Variants in LARGE2 observed in about 807,000 individuals in gnomAD.
LARGE2 encodes xylosyl- and glucuronyltransferase LARGE2.
LARGE2 carries 63 observed loss-of-function variants against 75.3 expected under a neutral mutation model. That is an observed-to-expected ratio of 0.84 (90% CI 0.68 to 1.03). LARGE2 has a LOEUF of 1.03. LARGE2 is among the 50% of genes least tolerant of loss of function. The pLI is 0.00. For missense variants in LARGE2, 925 were observed against 980.6 expected (o/e 0.94, Z 0.76); for synonymous variants, 428 against 420.1 (o/e 1.02, Z -0.23).
chr11:45,923,822 T>C (rs1433585072), intron 3 of LARGE2, among the ~76,000 whole-genome samples: 1 of 150,610 alleles, frequency 6.6e-6, no homozygotes, highest in African/African-American at 2.5e-5. Context: ...CCGTCTCTAC[T>C]AAAAATACAA....
upstream of LARGE2, among the ~76,000 whole-genome samples, chr11:45,922,446 G>A (rs1480767070): frequency 6.6e-6 from 1 of 152,008 alleles, no homozygotes; most frequent in African/African-American, 2.4e-5. Context: ...GGGCCTTCGC[G>A]GGTGGCTGCT....
intron 4 of LARGE2, 96 bp from the exon 5 acceptor site, chr11:45,924,407 TGGG>T: frequency 6.4e-7 from 1 of 1,562,742 alleles, no homozygotes; most frequent in Non-Finnish European, 8.6e-7. Flanking sequence ...CCCTCTCTTT[TGGG>T]GGTTTACCCC....
chr11:45,924,921 GT>G, intron 6 of LARGE2, 32 bp downstream of exon 6: 2 of 1,368,088 alleles, frequency 1.5e-6, no homozygotes, highest in Non-Finnish European at 1.9e-6. Context: ...GGCAGGCGGG[GT>G]GGTCTGCTGG....
chr11:45,927,798 C>G (rs755566112), intron 11 of LARGE2, 122 bp from the exon 12 acceptor site: 3 of 1,504,742 alleles, frequency 2.0e-6, no homozygotes, highest in East Asian at 4.6e-5. Flanking sequence ...TTGTGCCCAC[C>G]CGTCGCATCA....
At chr11:45,923,676 C>G in intron 3 of LARGE2, 121 bp downstream of exon 3, 2 of 861,538 alleles carry the variant, frequency 2.3e-6, no homozygotes, top group Non-Finnish European at 3.7e-6. Context: ...TCCCCTTCCT[C>G]CCTTAGAAGG....
Position 45,928,162 on chromosome 11 carries a change from G to T in LARGE2, c.1755-15G>T. 1 of 1,613,094 alleles carries T rather than the reference G, an allele frequency of 6.2e-7. No homozygotes were observed. Among genetic ancestry groups the T allele is most frequent in the Non-Finnish European group, 8.5e-7 (1 of 1,179,902 alleles). ...CCTAGCCTCAGCCTGGCTCCCACCCGACCCTGCTGCACAGGTACCACGAGT... is the reference window on the plus strand; with the variant it reads ...CCTAGCCTCAGCCTGGCTCCCACCCTACCCTGCTGCACAGGTACCACGAGT... On this transcript the variant is annotated splice_polypyrimidine_tract_variant and intron_variant, in intron 12 of 13. Coordinates refer to ENST00000401752, the MANE Select transcript of LARGE2 (RefSeq NM_001300721.2).
Position 45,926,871 on chromosome 11 carries a change from G to C in LARGE2, c.1325G>C (p.Arg442Pro). The C allele has an allele frequency of 1.2e-6, 2 of 1,608,818 alleles. No individual in the cohort carries two copies. Among genetic ancestry groups the C allele is most frequent in the Non-Finnish European group, 1.7e-6 (2 of 1,178,432 alleles). Residue 442 changes from arginine to proline, a missense_variant and splice_region_variant, in exon 10 of 14, where the codon CGG (arginine) becomes CCG (proline). Around this residue, in one of 3 missense-constraint regions of LARGE2, gnomAD observed 469 missense variants for 503.8 expected, o/e 0.93. Coordinates refer to ENST00000401752, the MANE Select transcript of LARGE2 (RefSeq NM_001300721.2). ...VTLVAQLSMDRLQMLEALCRH... is the reference protein window; with the variant it reads ...VTLVAQLSMDPLQMLEALCRH... ...CTTGTGGCCCAGCTGTCCATGGACC[G>C]GTGAGGGTGCAGAGGGCAGCCCAGG...
Position 45,923,004 on chromosome 11 carries a change from G to A in LARGE2, c.122G>A (p.Arg41Gln), listed in dbSNP as rs1343393114. Residue 41 changes from arginine to glutamine, a missense_variant, in exon 2 of 14, where the codon CGA becomes CAA. Physicochemically the swap from Arg to Gln is conservative, Grantham distance 43 (BLOSUM62 1). Transcript: ENST00000401752. ...LGCERREPGG[R>Q]AGAPGCFPGP... is the part of the protein sequence containing the mutation. ...TGTGAGCGCCGCGAGCCTGGCGGGC[G>A]AGCGGGGGCCCCGGGATGCTTCCCC... 7.4e-7 allele frequency: 1 copy of A among 1,350,722 alleles called. No homozygotes were observed. Among genetic ancestry groups the A allele is most frequent in the Non-Finnish European group, 9.5e-7 (1 of 1,056,110 alleles). The allele number at this position is 1,350,722 out of a possible 1,614,324, so 83.7% of individuals were successfully genotyped here. A position where few individuals can be genotyped will look rare whatever the true frequency, so the allele number is the denominator to read the frequency against.
rs1360223048 is a variant in LARGE2 at position 45,928,937 on chromosome 11, C to G, written c.*92C>G. The stretch of plus-strand genomic sequence containing the variant: ...CCCTGCTATTTAAATTATTTAAGGT[C>G]TCTGGGAAGGGCTGGGGCAGAGCAT... On this transcript the variant is annotated 3_prime_UTR_variant, in exon 14 of 14. Coordinates refer to ENST00000401752, the MANE Select transcript of LARGE2 (RefSeq NM_001300721.2). The G allele has an allele frequency of 2.3e-5, 34 of 1,506,364 alleles. No homozygotes were observed. Among genetic ancestry groups the G allele is most frequent in the Non-Finnish European group, 3.0e-5 (33 of 1,111,934 alleles). The allele number at this position is 1,506,364 out of a possible 1,614,324, so 93.3% of individuals were successfully genotyped here.
intron 1 of LARGE2, 26 bp downstream of exon 1, chr11:45,922,754 C>T (rs1038141156): frequency 6.7e-6 from 5 of 745,028 alleles, no homozygotes; most frequent in African/African-American, 5.5e-5. Context: ...CGGCGCGAGC[C>T]GCACAACCCG....
intron 2 of LARGE2, 121 bp from the exon 3 acceptor site, chr11:45,923,352 G>A: frequency 8.8e-7 from 1 of 1,136,948 alleles, no homozygotes; most frequent in Non-Finnish European, 1.3e-6. Flanking sequence ...TGAAGGGTTG[G>A]CTCCTGCTGC....
At chr11:45,928,494 T>C in intron 13 of LARGE2, 122 bp downstream of exon 13, 1 of 1,529,042 alleles carries the variant, frequency 6.5e-7, no homozygotes. Flanking sequence ...CCCCCTTCTG[T>C]GGAATTAAAA....
At position 45,927,599 on chromosome 11, in the gene LARGE2, C is replaced by A; in HGVS notation, c.1604+6C>A. On this transcript the variant is annotated splice_donor_region_variant and intron_variant, in intron 11 of 13. Coordinates refer to ENST00000401752, the MANE Select transcript of LARGE2 (RefSeq NM_001300721.2). ...TCTCTCTACGACTACCTCAGGTGGG[C>A]CTGCAGGCAGAGAGGGGAACAATAT... The A allele has an allele frequency of 6.2e-7, 1 of 1,611,758 alleles. No individual in the cohort carries two copies. Among genetic ancestry groups the A allele is most frequent in the Non-Finnish European group, 8.5e-7 (1 of 1,179,350 alleles).
chr11:45,923,125 C>T lies in LARGE2; in HGVS notation c.243C>T (p.Arg81=), dbSNP rs1185155588. 1.5e-6 allele frequency: 2 copies of T among 1,367,254 alleles called. No homozygotes were observed. Among genetic ancestry groups the T allele is most frequent in the Non-Finnish European group, 1.9e-6 (2 of 1,068,748 alleles). The allele number at this position is 1,367,254 out of a possible 1,614,324, so 84.7% of individuals were successfully genotyped here. Residue 81 remains arginine (R), a synonymous_variant, in exon 2 of 14, where the codon CGC becomes CGT. Transcript: ENST00000401752. ...DPGAGPGDHN[R]SDCGPQPPPP... is the part of the protein sequence containing the mutation. ...GGGCCGGCCCCGGGGACCACAACCG[C>T]TCCGACTGCGGCCCGCAGCCGCCGC... is the stretch of plus-strand genomic sequence containing the variant.
At chr11:45,928,581 G>T in intron 13 of LARGE2, 49 bp from the exon 14 acceptor site, 1 of 1,589,646 alleles carries the variant, frequency 6.3e-7, no homozygotes, top group Non-Finnish European at 8.6e-7. Context: ...CACCTTCCCC[G>T]CAGGCCAGGC....
At position 45,928,213 on chromosome 11, in the gene LARGE2, C is replaced by T. The variant is rs755211668; in HGVS notation, c.1791C>T (p.Asp597=). The T allele has an allele frequency of 4.6e-5, 74 of 1,613,836 alleles. No individual in the cohort carries two copies. The highest frequency in any genetic ancestry group is 6.1e-5 in the Non-Finnish European group (72 of 1,180,050). ...HEWPRGHAPT[D]YARWREAQAP... ...GGCCCCGAGGCCACGCACCCACAGA[C>T]TATGCCCGCTGGCGGGAGGCTCAGG... Residue 597 remains aspartate (D), a synonymous_variant, in exon 13 of 14, where the codon GAC becomes GAT. Coordinates refer to ENST00000401752, the MANE Select transcript of LARGE2 (RefSeq NM_001300721.2).
intron 3 of LARGE2, among the ~76,000 whole-genome samples, chr11:45,923,878 TG>T (rs2087026335): frequency 6.8e-6 from 1 of 148,100 alleles, no homozygotes; most frequent in African/African-American, 2.5e-5. Flanking sequence ...CCCAGCTACT[TG>T]GGAGGCTGAG....
At position 45,923,026 on chromosome 11, in the gene LARGE2, C is replaced by A. The variant is rs1254785871; in HGVS notation, c.144C>A (p.Phe48Leu). 11 of 1,392,728 alleles carry A rather than the reference C, an allele frequency of 7.9e-6. No individual in the cohort carries two copies. Among genetic ancestry groups the A allele is most frequent in the Non-Finnish European group, 9.3e-6 (10 of 1,076,508 alleles). The allele number at this position is 1,392,728 out of a possible 1,614,324, so 86.3% of individuals were successfully genotyped here. ...PGGRAGAPGC[F>L]PGPLMPRVPP... ...GGCGAGCGGGGGCCCCGGGATGCTT[C>A]CCCGGCCCGCTCATGCCACGTGTCC... The change falls in exon 2 of 14, where the codon TTC (phenylalanine) becomes TTA (leucine). Residue 48 changes from phenylalanine (F) to leucine (L), a missense_variant. By Grantham distance (22) the Phe-to-Leu change is conservative (BLOSUM62 0). Coordinates refer to ENST00000401752, the MANE Select transcript of LARGE2 (RefSeq NM_001300721.2).
intron 5 of LARGE2, 22 bp from the exon 6 acceptor site, chr11:45,924,763 C>G (rs1435868905): frequency 2.6e-6 from 4 of 1,510,114 alleles, no homozygotes; most frequent in Non-Finnish European, 2.7e-6. Flanking sequence ...TCAGACAGCT[C>G]CCTTATGCCC....
Sources: gnomAD v4.1 joint callset for allele counts (sites outside exome capture counted in the v4.1 genomes callset) on GRCh38, gnomAD v4.1.1 for gene constraint, gnomAD v4.1.1 regional missense constraint, MANE v1.5 for transcripts, NCBI Gene and HGNC (gene_info 2026-07-23, HGNC 2026-07-21) for gene names.